The following CGNL1 variants were observed in gnomAD, a reference collection of about 807,000 sequenced individuals.
CGNL1 encodes cingulin like 1.
A neutral mutation model predicts 141.2 loss-of-function variants in CGNL1; 132 were observed. The observed-to-expected ratio is 0.93, with a 90% CI of 0.81 to 1.08. The LOEUF (loss-of-function observed/expected upper bound fraction) is 1.08. Ranked by LOEUF, CGNL1 falls within the 50% of genes least tolerant of loss-of-function variation. CGNL1 has a pLI of 0.00. For missense variants in CGNL1, 1,870 were observed against 1,588.6 expected (o/e 1.18, Z -3.01); for synonymous variants, 690 against 622.1 (o/e 1.11, Z -1.63).
chr15:57,440,334 G>C, intron 2 of CGNL1, 43 bp from the exon 3 acceptor site: 2 of 1,449,432 alleles, frequency 1.4e-6, no homozygotes. Context: ...GAAGCCTCTG[G>C]GAACTTCATC....
At chr15:57,386,132 C>T (rs1003258203) in intron 1 of CGNL1, among the ~76,000 whole-genome samples, 1 of 152,236 alleles carries the variant, frequency 6.6e-6, no homozygotes, top group Non-Finnish European at 1.5e-5. Context: ...GACTTAACTT[C>T]ATTTGAAACT....
intron 1 of CGNL1, among the ~76,000 whole-genome samples, chr15:57,400,450 T>C (rs2062647400): frequency 2.0e-5 from 3 of 152,314 alleles, no homozygotes; most frequent in South Asian, 2.1e-4. Flanking sequence ...TGAGTTTGAA[T>C]TGTGTTTTAT....
intron 1 of CGNL1, among the ~76,000 whole-genome samples, chr15:57,382,540 G>A (rs1664465): frequency 0.56 from 85,214 of 152,078 alleles, 25,125 homozygotes; most frequent in Non-Finnish European, 0.64. Flanking sequence ...TGTTAGGTCT[G>A]TAAAGCTCCT....
chr15:57,478,949 C>A (rs1315189976), intron 8 of CGNL1, among the ~76,000 whole-genome samples: 1 of 152,084 alleles, frequency 6.6e-6, no homozygotes, highest in African/African-American at 2.4e-5. Flanking sequence ...CAGATTCTTA[C>A]CTTATTAGGG....
intron 4 of CGNL1, among the ~76,000 whole-genome samples, chr15:57,446,495 C>T (rs1408640883): frequency 6.6e-6 from 1 of 151,978 alleles, no homozygotes; most frequent in Non-Finnish European, 1.5e-5. Context: ...TCTCGTGTGT[C>T]CGGCTTCATT....
intron 1 of CGNL1, among the ~76,000 whole-genome samples, chr15:57,416,848 A>C (rs1362080161): frequency 6.6e-6 from 1 of 152,230 alleles, no homozygotes; most frequent in Non-Finnish European, 1.5e-5. Context: ...CTGAGGATTC[A>C]GTGTCATGAA....
chr15:57,490,415 CGCACGCGTGCGTGT>C (rs2063843215), intron 8 of CGNL1, among the ~76,000 whole-genome samples: 1 of 151,996 alleles, frequency 6.6e-6, no homozygotes, highest in East Asian at 1.9e-4. Flanking sequence ...CACACACGCA[CGCACGCGTGCGTGT>C]GCACTCACAT....
rs1445237322 is a variant in CGNL1, at chr15:57,548,513, G to A, written c.*1023G>A. ...AAACAAGTCACTGGCACAGGGGAAAGCCAGAAGGTTGCTTGTGTCTGTGAC... is the reference window on the plus strand; with the variant it reads ...AAACAAGTCACTGGCACAGGGGAAAACCAGAAGGTTGCTTGTGTCTGTGAC... On this transcript the variant is annotated 3_prime_UTR_variant, in exon 19 of 19. Coordinates refer to ENST00000281282, the MANE Select transcript of CGNL1 (RefSeq NM_032866.5). 1 of 152,258 alleles carries A rather than the reference G, an allele frequency of 6.6e-6. No individual in the cohort carries two copies. The highest frequency in any genetic ancestry group is 6.5e-5 in the Admixed American group (1 of 15,288). 9.4% of individuals were successfully genotyped at this position (152,258 alleles called of 1,614,324 possible). A position where few individuals can be genotyped will look rare whatever the true frequency, so the allele number is the denominator to read the frequency against.
intron 1 of CGNL1, among the ~76,000 whole-genome samples, chr15:57,391,214 T>C (rs2062539026): frequency 6.6e-6 from 1 of 151,980 alleles, no homozygotes; most frequent in Non-Finnish European, 1.5e-5. Flanking sequence ...TCCGGACTGG[T>C]GTTGTGTGTT....
intron 8 of CGNL1, among the ~76,000 whole-genome samples, chr15:57,490,812 T>G (rs2942033): frequency 0.31 from 47,867 of 152,032 alleles, 8,288 homozygotes; most frequent in Non-Finnish European, 0.39. Flanking sequence ...GTCAGCCACG[T>G]GATCAATTTC....
chr15:57,517,086 T>C, intron 9 of CGNL1, 100 bp downstream of exon 9: 1 of 1,175,958 alleles, frequency 8.5e-7, no homozygotes. Context: ...TGTCATGATG[T>C]AGTAGGAAAG....
intron 8 of CGNL1, among the ~76,000 whole-genome samples, chr15:57,487,837 A>G (rs1191421468): frequency 1.3e-5 from 2 of 152,200 alleles, no homozygotes; most frequent in Non-Finnish European, 2.9e-5. Flanking sequence ...AAAGAGAGTC[A>G]CCAATATTCT....
Position 57,442,601 on chromosome 15 carries a change from A to G in CGNL1, c.1803+123A>G, listed in dbSNP as rs149594654. On this transcript the variant is annotated intron_variant, in intron 4 of 18. Coordinates refer to ENST00000281282, the MANE Select transcript of CGNL1 (RefSeq NM_032866.5). ...GTGGGAAGTTGCCTGAGTAGTGAGGAGTACTCTTCATGTTTTACATGTTGC... is the reference window on the plus strand; with the variant it reads ...GTGGGAAGTTGCCTGAGTAGTGAGGGGTACTCTTCATGTTTTACATGTTGC... 6 of 584,682 alleles carry G rather than the reference A, an allele frequency of 1.0e-5. No homozygotes were observed. In the East Asian group the frequency reaches 1.8e-4, roughly 18 times the overall value. 36.2% of individuals were successfully genotyped at this position (584,682 alleles called of 1,614,324 possible).
At chr15:57,510,151 G>C (rs1453597360) in intron 8 of CGNL1, among the ~76,000 whole-genome samples, 1 of 152,196 alleles carries the variant, frequency 6.6e-6, no homozygotes, top group Non-Finnish European at 1.5e-5. Context: ...AACCACAGCC[G>C]GTAAGCTGTG....
At chr15:57,473,563 T>C (rs2201346) in intron 8 of CGNL1, among the ~76,000 whole-genome samples, 38,107 of 152,098 alleles carry the variant, frequency 0.25, 5,136 homozygotes, top group Non-Finnish European at 0.3. Flanking sequence ...GTGTAACTAA[T>C]AGGATATTAT....
intron 8 of CGNL1, among the ~76,000 whole-genome samples, chr15:57,464,063 C>A (rs1464006440): frequency 5.3e-5 from 6 of 112,736 alleles, no homozygotes; most frequent in African/African-American, 2.1e-4. Flanking sequence ...GCATAGGGGG[C>A]ACTTTTGTCC....
At chr15:57,494,430 T>G (rs1389288321) in intron 8 of CGNL1, among the ~76,000 whole-genome samples, 1 of 152,166 alleles carries the variant, frequency 6.6e-6, no homozygotes, top group Non-Finnish European at 1.5e-5. Flanking sequence ...GCCACCACCC[T>G]TTTTCTTTGT....
chr15:57,385,869 C>T (rs1448474927), intron 1 of CGNL1, among the ~76,000 whole-genome samples: 1 of 152,230 alleles, frequency 6.6e-6, no homozygotes, highest in Non-Finnish European at 1.5e-5. Context: ...ATTCAAAGGA[C>T]AGTCCCCCAC....
At position 57,537,686 on chromosome 15, in the gene CGNL1, C is replaced by T. The variant is rs191053675; in HGVS notation, c.3291+5907C>T. 1.4e-3 allele frequency among the ~76,000 whole-genome samples: 209 copies of T among 152,292 alleles called. 4 individuals are homozygous for T. The highest frequency in any genetic ancestry group is 0.013 in the Admixed American group (198 of 15,302). On this transcript the variant is annotated intron_variant, in intron 14 of 18. Coordinates refer to ENST00000281282, the MANE Select transcript of CGNL1 (RefSeq NM_032866.5). ...TCTGGCTTTCCATTAACCCAAAAGG[C>T]AGCTACTTACAATTCTGAGAGCTGG... is the stretch of plus-strand genomic sequence containing the variant.
Sources: allele counts gnomAD v4.1 joint callset (sites outside exome capture counted in the v4.1 genomes callset), GRCh38; gene constraint gnomAD v4.1.1; transcripts MANE v1.5; gene names NCBI Gene and HGNC (gene_info 2026-07-23, HGNC 2026-07-21).